The following MIB1 variants were observed in gnomAD, a reference collection of about 807,000 sequenced individuals.
The protein encoded by MIB1 is MIB E3 ubiquitin protein ligase 1, also known as E3 ubiquitin-protein ligase MIB1.
A neutral mutation model predicts 124.5 loss-of-function variants in MIB1; 278 were observed. The observed-to-expected ratio is 2.23, with a 90% CI of 2.02 to 2.47. MIB1 has a LOEUF of 2.47. MIB1 is among the 30% of genes most tolerant of loss of function. The pLI, the probability that MIB1 is intolerant of heterozygous loss-of-function variation, is 0.00. For synonymous variants in MIB1, 446 were observed against 429.4 expected, an observed-to-expected ratio of 1.04 and a Z score of -0.48; for missense variants, 957 against 1,254.4, an observed-to-expected ratio of 0.76 and a Z score of 3.58.
intron 11 of MIB1, among the ~76,000 whole-genome samples, chr18:21,817,253 C>T (rs964217472): frequency 7.2e-6 from 1 of 139,066 alleles, no homozygotes; most frequent in African/African-American, 2.7e-5. Flanking sequence ...TCTCAACCTT[C>T]AGGGCCCACC....
At chr18:21,779,240 A>G (rs1159334878) in intron 5 of MIB1, among the ~76,000 whole-genome samples, 2 of 152,248 alleles carry the variant, frequency 1.3e-5, no homozygotes, top group East Asian at 3.9e-4. Flanking sequence ...TATAGACTCT[A>G]CTTTTACTCA....
intron 18 of MIB1, among the ~76,000 whole-genome samples, chr18:21,853,998 C>CTGAG (rs1368982317): frequency 9.2e-6 from 1 of 108,166 alleles, no homozygotes; most frequent in Non-Finnish European, 1.7e-5. Context: ...AGGCAACAGA[C>CTGAG]TGAGACTCAG....
Position 21,858,610 on chromosome 18 carries a change from A to T in MIB1, c.2844A>T (p.Gln948His). ...KDNTNVNADVQKLQQQLQDIK... is the reference protein window; with the variant it reads ...KDNTNVNADVHKLQQQLQDIK... ...ATACCAATGTCAATGCAGATGTGCA[A>T]AAGTTGCAGCAACAGTTACAAGACA... Residue 948 changes from glutamine to histidine, a missense_variant, in exon 20 of 21, where the codon CAA (glutamine) becomes CAT (histidine). Transcript: ENST00000261537. 1 of 1,603,098 alleles carries T rather than the reference A, an allele frequency of 6.2e-7. No homozygotes were observed. Among genetic ancestry groups the T allele is most frequent in the Non-Finnish European group, 8.5e-7 (1 of 1,170,280 alleles).
rs1411624759 is a variant in MIB1 at position 21,740,991 on chromosome 18, G to C, written c.-593G>C. Among the ~76,000 whole-genome samples, 2 of 152,186 alleles carry C rather than the reference G, an allele frequency of 1.3e-5. No individual in the cohort carries two copies. Among genetic ancestry groups the C allele is most frequent in the African/African-American group, 4.8e-5 (2 of 41,454 alleles). ...CGCCCGGCTGGGACTCTGTGGCGGG[G>C]CGGAGCGCGGCGGCTGGTGCGGGGG... is the stretch of plus-strand genomic sequence containing the variant. On this transcript the variant is annotated 5_prime_UTR_variant, in exon 1 of 21. Transcript: ENST00000261537.
rs749027541 is a variant in MIB1, at chr18:21,838,491, A to G, written c.1956A>G (p.Val652=). 1 of 1,594,168 alleles carries G rather than the reference A, an allele frequency of 6.3e-7. No individual in the cohort carries two copies. The highest frequency in any genetic ancestry group is 8.5e-7 in the Non-Finnish European group (1 of 1,172,962). The change falls in exon 13 of 21, where the codon GTA becomes GTG. Residue 652 remains valine (V), a synonymous_variant. Transcript: ENST00000261537. Reference sequence around the variant, plus strand: ...ACGTAGAAGTGGCTGAACTGTTGGTACATCAGGTAAGAAAAGAGTTAAATA... The same window carrying G: ...ACGTAGAAGTGGCTGAACTGTTGGTGCATCAGGTAAGAAAAGAGTTAAATA... ...NNHVEVAELL[V]HQGNANLDIQ... is the part of the protein sequence containing the mutation.
chr18:21,795,342 TATAATATATAAATAATAC>T (rs1419555521), intron 7 of MIB1, among the ~76,000 whole-genome samples: 1 of 139,774 alleles, frequency 7.2e-6, no homozygotes, highest in Non-Finnish European at 1.5e-5. Flanking sequence ...ATATAATATA[TATAATATATAAATAATAC>T]ATAATATATA....
upstream of MIB1, among the ~76,000 whole-genome samples, chr18:21,737,608 AT>A (rs1201637404): frequency 6.6e-6 from 1 of 152,190 alleles, no homozygotes; most frequent in Non-Finnish European, 1.5e-5. Context: ...GTCAAGACCC[AT>A]TGGTGTGCTG....
intron 15 of MIB1, 55 bp from the exon 16 acceptor site, chr18:21,846,889 A>C: frequency 6.5e-7 from 1 of 1,540,208 alleles, no homozygotes. Flanking sequence ...ATATGATGAC[A>C]AGAATTGATG....
At chr18:21,814,080 C>T (rs3017026) in intron 10 of MIB1, among the ~76,000 whole-genome samples, 24,178 of 151,966 alleles carry the variant, frequency 0.16, 2,612 homozygotes, top group African/African-American at 0.31. Flanking sequence ...TATAAAGTAC[C>T]TTCTTTTAGT....
intron 17 of MIB1, 39 bp from the exon 18 acceptor site, chr18:21,853,101 C>T: frequency 7.5e-7 from 1 of 1,337,434 alleles, no homozygotes; most frequent in Non-Finnish European, 1.1e-6. Flanking sequence ...CTAGATTTAT[C>T]TGTAAATGGT....
chr18:21,864,223 G>C (rs775687593), intron 20 of MIB1, among the ~76,000 whole-genome samples: 1 of 152,064 alleles, frequency 6.6e-6, no homozygotes, highest in South Asian at 2.1e-4. Context: ...TGATTCTCGC[G>C]CCTCAGCCTC....
At chr18:21,747,959 C>G (rs1176880455) in intron 1 of MIB1, among the ~76,000 whole-genome samples, 1 of 152,202 alleles carries the variant, frequency 6.6e-6, no homozygotes, top group Admixed American at 6.5e-5. Context: ...TCTAGCAGAA[C>G]CATGTCTCTG....
intron 1 of MIB1, among the ~76,000 whole-genome samples, chr18:21,720,468 A>C (rs2040709278): frequency 6.6e-6 from 1 of 151,960 alleles, no homozygotes; most frequent in African/African-American, 2.4e-5. Flanking sequence ...AATCTGGCTT[A>C]TTAAATACAT....
intron 9 of MIB1, among the ~76,000 whole-genome samples, chr18:21,801,474 C>A (rs2146456580): frequency 1.3e-5 from 2 of 152,130 alleles, no homozygotes; most frequent in Non-Finnish European, 2.9e-5. Flanking sequence ...AATTGGAGTT[C>A]ACAGTTGTCA....
At chr18:21,822,785 C>A (rs1249462810) in intron 12 of MIB1, among the ~76,000 whole-genome samples, 1 of 152,060 alleles carries the variant, frequency 6.6e-6, no homozygotes, top group African/African-American at 2.4e-5. Context: ...AAAATAACAA[C>A]CAGTCTTTTT....
At chr18:21,737,162 C>T (rs2040800010), upstream of MIB1, among the ~76,000 whole-genome samples, 1 of 152,170 alleles carries the variant, frequency 6.6e-6, no homozygotes, top group Non-Finnish European at 1.5e-5. Flanking sequence ...AGGGGAAGTC[C>T]ATTAGACTAA....
Position 21,815,841 on chromosome 18 carries a change from C to T in MIB1, c.1677+28C>T, listed in dbSNP as rs539629391. 3.8e-6 allele frequency: 6 copies of T among 1,586,428 alleles called. No homozygotes were observed. In the Admixed American group the frequency reaches 5.0e-5, roughly 13 times the overall value. On this transcript the variant is annotated intron_variant, in intron 11 of 20. Coordinates refer to ENST00000261537, the MANE Select transcript of MIB1 (RefSeq NM_020774.4). The stretch of plus-strand genomic sequence containing the variant: ...AAAACCTTTAAAGAAACACATCCTG[C>T]AGGTATTGCTAGGATCCTATTAAAG...
chr18:21,791,471 G>A lies in MIB1; in HGVS notation c.1006G>A (p.Gly336Ser). ...AGGAGGCACCTCGCAGTTTCAAGTGGGTGATCTTGTACAAGTTTGTTATGA... is the reference window on the plus strand; with the variant it reads ...AGGAGGCACCTCGCAGTTTCAAGTGAGTGATCTTGTACAAGTTTGTTATGA... ...AEGGTSQFQV[G>S]DLVQVCYDLE... Residue 336 changes from glycine (G) to serine (S), a missense_variant, in exon 7 of 21, where the codon GGT becomes AGT. Coordinates refer to ENST00000261537, the MANE Select transcript of MIB1 (RefSeq NM_020774.4). 1 of 1,614,068 alleles carries A rather than the reference G, an allele frequency of 6.2e-7. No individual in the cohort carries two copies. The highest frequency in any genetic ancestry group is 1.1e-5 in the South Asian group (1 of 91,076).
At chr18:21,859,462 G>A (rs1273059415) in intron 20 of MIB1, among the ~76,000 whole-genome samples, 2 of 151,794 alleles carry the variant, frequency 1.3e-5, no homozygotes, top group Non-Finnish European at 2.9e-5. Flanking sequence ...CACAAGGGAA[G>A]AAGGGAAGTT....
Sources: allele counts gnomAD v4.1 joint callset (sites outside exome capture counted in the v4.1 genomes callset), GRCh38; gene constraint gnomAD v4.1.1; transcripts MANE v1.5; gene names NCBI Gene and HGNC (gene_info 2026-07-23, HGNC 2026-07-21).